Variants in MCCC1 observed in about 807,000 individuals in gnomAD.
MCCC1 encodes the protein methylcrotonyl-CoA carboxylase subunit 1, also known as methylcrotonoyl-CoA carboxylase subunit alpha, mitochondrial.
Under a neutral mutation model 83.8 loss-of-function variants are expected in MCCC1, and 64 were observed. The ratio of observed to expected loss-of-function variants is 0.76; its 90% CI spans 0.62 to 0.94. The LOEUF is 0.94. Among genes scored for constraint, MCCC1 ranks in the 40% least tolerant of loss-of-function variants. The pLI is 0.00. For missense variants in MCCC1, 807 were observed against 904.7 expected, an observed-to-expected ratio of 0.89 and a Z score of 1.39; for synonymous variants, 322 against 315.4, an observed-to-expected ratio of 1.02 and a Z score of -0.22.
chr3:183,024,303 C>CA (rs558804985), intron 15 of MCCC1, among the ~76,000 whole-genome samples: 147 of 152,146 alleles, frequency 9.7e-4, no homozygotes, highest in African/African-American at 3.3e-3. Flanking sequence ...TTTATACTCT[C>CA]ATTCTCTCAT....
At chr3:183,043,794 C>T (rs1197349485) in intron 10 of MCCC1, among the ~76,000 whole-genome samples, 1 of 152,206 alleles carries the variant, frequency 6.6e-6, no homozygotes, top group Non-Finnish European at 1.5e-5. Context: ...TACCCAAAAG[C>T]TTTCTCCTTC....
intron 1 of MCCC1, 77 bp from the exon 2 acceptor site, chr3:183,094,682 T>A (rs1374625752): frequency 6.8e-7 from 1 of 1,462,852 alleles, no homozygotes; most frequent in Admixed American, 1.7e-5. Flanking sequence ...AATTTCAGTT[T>A]CTTAAAACAT....
At chr3:183,074,421 C>T (rs980399137) in intron 4 of MCCC1, among the ~76,000 whole-genome samples, 5 of 152,170 alleles carry the variant, frequency 3.3e-5, no homozygotes, top group African/African-American at 1.2e-4. Context: ...AAGCCACACC[C>T]TCTCCAACAT....
chr3:183,071,364 A>AAT lies in MCCC1; in HGVS notation c.492-8_492-7insAT. ...CATTATGGATTTGGATGTGCTTTAG[A>AAT]GTGGGAAAGAAAACAACATGCCCCA... On this transcript the variant is annotated splice_region_variant and splice_polypyrimidine_tract_variant and intron_variant, in intron 5 of 18. Transcript: ENST00000265594. 6.2e-7 allele frequency: 1 copy of AAT among 1,614,226 alleles called. No homozygotes were observed. The highest frequency in any genetic ancestry group is 8.5e-7 in the Non-Finnish European group (1 of 1,180,036).
At chr3:183,016,113 A>G (rs7433755) in intron 18 of MCCC1, 148,158 of 164,114 alleles carry the variant, frequency 0.9, 67,194 homozygotes, top group East Asian at 1. Context: ...ATTTTTAGTA[A>G]AGACGGGGTT....
intron 7 of MCCC1, 21 bp from the exon 8 acceptor site, chr3:183,057,443 A>G: frequency 6.5e-7 from 1 of 1,543,400 alleles, no homozygotes; most frequent in South Asian, 1.2e-5. Context: ...GCAAACATGT[A>G]TGTTAATATA....
chr3:183,017,308 T>C lies in MCCC1; in HGVS notation c.2007A>G (p.Lys669=). Residue 669 remains lysine, a synonymous_variant, in exon 18 of 19, where the codon AAA becomes AAG. Coordinates refer to ENST00000265594, the MANE Select transcript of MCCC1 (RefSeq NM_020166.5). ...KVFVKAGDKV[K]AGDSLMVMIA... Reference sequence around the variant, plus strand: ...TCATAACCATGAGGGAATCTCCCGCTTTCACTTTGTCTCCAGCTTTGACAA... The same window carrying C: ...TCATAACCATGAGGGAATCTCCCGCCTTCACTTTGTCTCCAGCTTTGACAA... The C allele has an allele frequency of 6.2e-7, 1 of 1,613,962 alleles. No individual in the cohort carries two copies. The highest frequency in any genetic ancestry group is 8.5e-7 in the Non-Finnish European group (1 of 1,180,016).
intron 1 of MCCC1, among the ~76,000 whole-genome samples, chr3:183,098,244 T>G (rs538487149): frequency 4.4e-4 from 67 of 152,282 alleles, no homozygotes; most frequent in Non-Finnish European, 7.5e-4. Context: ...CCAACAACTT[T>G]CTTATGTTTC....
intron 1 of MCCC1, among the ~76,000 whole-genome samples, chr3:183,097,042 GAGAC>G (rs764546230): frequency 3.9e-5 from 6 of 152,210 alleles, no homozygotes; most frequent in Non-Finnish European, 8.8e-5. Context: ...GAGGGAGAAA[GAGAC>G]AGAGATCCCA....
At chr3:183,099,520 C>A, upstream of MCCC1, 2 of 1,520,968 alleles carry the variant, frequency 1.3e-6, no homozygotes, top group Non-Finnish European at 8.9e-7. Context: ...TCCTCCACTA[C>A]GAAGCCTCGT....
chr3:183,088,859 C>T (rs1377783784), intron 3 of MCCC1, among the ~76,000 whole-genome samples: 1 of 152,164 alleles, frequency 6.6e-6, no homozygotes, highest in Non-Finnish European at 1.5e-5. Context: ...CAAACTATTC[C>T]ATAGTATGGC....
At chr3:183,051,752 C>A (rs1203839742) in intron 9 of MCCC1, among the ~76,000 whole-genome samples, 1 of 139,498 alleles carries the variant, frequency 7.2e-6, no homozygotes, top group Non-Finnish European at 1.5e-5. Flanking sequence ...ACTGTGGGAG[C>A]TTGTGTGTTG....
In MCCC1 at chr3:183,055,231, G is replaced by A. The variant is rs955342635; in HGVS notation, c.873+2080C>T. On this transcript the variant is annotated intron_variant, in intron 8 of 18. Transcript: ENST00000265594. Reference sequence around the variant, plus strand: ...AGCCTGGCCAAGATGGTGAAACCCCGTCTCTACTAAAAAATAGAAAAAAAA... The same window carrying A: ...AGCCTGGCCAAGATGGTGAAACCCCATCTCTACTAAAAAATAGAAAAAAAA... 8.9e-5 allele frequency among the ~76,000 whole-genome samples: 13 copies of A among 145,258 alleles called. 1 individual carries two copies. In the South Asian group the frequency reaches 1.9e-3, roughly 21 times the overall value.
At chr3:183,057,463 G>C (rs1427802839) in intron 7 of MCCC1, 41 bp from the exon 8 acceptor site, 1 of 1,435,596 alleles carries the variant, frequency 7.0e-7, no homozygotes, top group South Asian at 1.2e-5. Flanking sequence ...ATTTGTTAGG[G>C]GTGATAAATA....
intron 8 of MCCC1, among the ~76,000 whole-genome samples, chr3:183,055,825 G>A (rs1715381106): frequency 6.6e-6 from 1 of 151,884 alleles, no homozygotes; most frequent in Non-Finnish European, 1.5e-5. Flanking sequence ...TTGAGCCCAG[G>A]AGTTGGAGAC....
chr3:183,073,020 T>C (rs1200618879), intron 4 of MCCC1, among the ~76,000 whole-genome samples: 1 of 152,238 alleles, frequency 6.6e-6, no homozygotes, highest in Admixed American at 6.5e-5. Flanking sequence ...AAAATTCCAT[T>C]TGTTTTTAAG....
intron 14 of MCCC1, 61 bp from the exon 15 acceptor site, chr3:183,025,865 G>A (rs1457756329): frequency 7.0e-6 from 10 of 1,419,912 alleles, no homozygotes; most frequent in Admixed American, 5.1e-5. Flanking sequence ...TTTAATAACC[G>A]AGATATAAAG....
chr3:183,092,251 T>C (rs1327556361), intron 3 of MCCC1, 158 bp downstream of exon 3: 1 of 815,622 alleles, frequency 1.2e-6, no homozygotes, highest in African/African-American at 1.7e-5. Flanking sequence ...TGATGTTATA[T>C]CTGAAAAATG....
intron 3 of MCCC1, 35 bp from the exon 4 acceptor site, chr3:183,086,823 G>A: frequency 6.3e-7 from 1 of 1,585,552 alleles, no homozygotes; most frequent in Non-Finnish European, 8.6e-7. Flanking sequence ...AAAAGACTTT[G>A]TGGCTAGTAC....
Sources: gnomAD v4.1 joint callset for allele counts (sites outside exome capture counted in the v4.1 genomes callset) on GRCh38, gnomAD v4.1.1 for gene constraint, MANE v1.5 for transcripts, NCBI Gene and HGNC (gene_info 2026-07-23, HGNC 2026-07-21) for gene names.